The following KHDRBS1 variants were observed in gnomAD, a reference collection of about 807,000 sequenced individuals.
KHDRBS1 encodes the protein KH domain-containing, RNA-binding, signal transduction-associated protein 1.
In KHDRBS1, 7 loss-of-function variants were observed where a neutral mutation model predicts 48.4. The ratio of observed to expected loss-of-function variants is 0.14; its 90% CI spans 0.08 to 0.27. KHDRBS1 has a LOEUF of 0.27. KHDRBS1 is among the 10% of genes least tolerant of loss of function. KHDRBS1 has a pLI of 1.00. For synonymous variants in KHDRBS1, 241 were observed against 235.8 expected (o/e 1.02, Z -0.20); for missense variants, 458 against 601.2 (o/e 0.76, Z 2.49).
At chr1:32,049,700 C>T (rs1206926636) in intron 10 of KHDRBS1, among the ~76,000 whole-genome samples, 1 of 149,180 alleles carries the variant, frequency 6.7e-6, no homozygotes. Flanking sequence ...CTCACTCTGT[C>T]GCCCAGGCTG....
intron 1 of KHDRBS1, among the ~76,000 whole-genome samples, chr1:32,028,560 T>C (rs1019485279): frequency 6.9e-6 from 1 of 145,902 alleles, no homozygotes; most frequent in East Asian, 2.0e-4. Flanking sequence ...TGGAGTGCAG[T>C]GGCGCGATCT....
chr1:32,018,708 G>C (rs565864057), intron 1 of KHDRBS1, among the ~76,000 whole-genome samples: 1 of 152,048 alleles, frequency 6.6e-6, no homozygotes, highest in African/African-American at 2.4e-5. Flanking sequence ...AGTGAGCCGA[G>C]ATCGCGCCAC....
downstream of KHDRBS1, among the ~76,000 whole-genome samples, chr1:32,048,139 C>CTGCTT (rs1639377392): frequency 6.6e-6 from 1 of 152,208 alleles, no homozygotes; most frequent in African/African-American, 2.4e-5. Flanking sequence ...TAAACTGAAT[C>CTGCTT]TGCTTTGGAC....
At chr1:32,022,576 G>C (rs1456930524) in intron 1 of KHDRBS1, among the ~76,000 whole-genome samples, 4 of 152,026 alleles carry the variant, frequency 2.6e-5, no homozygotes, top group Non-Finnish European at 4.4e-5. Context: ...CCATTGTCTT[G>C]TTCCTTATGC....
At chr1:32,051,138 T>TC (rs1448651674) in intron 10 of KHDRBS1, among the ~76,000 whole-genome samples, 2 of 152,230 alleles carry the variant, frequency 1.3e-5, no homozygotes, top group African/African-American at 4.8e-5. Context: ...CCTCAGGTGA[T>TC]CCGCCCGCAT....
chr1:32,014,215 C>T lies in KHDRBS1; in HGVS notation c.220C>T (p.Pro74Ser), dbSNP rs992335624. The T allele has an allele frequency of 2.7e-5, 40 of 1,461,860 alleles. No homozygotes were observed. Among genetic ancestry groups the T allele is most frequent in the Non-Finnish European group, 3.5e-5 (38 of 1,098,766 alleles). 90.6% of individuals were successfully genotyped at this position (1,461,860 alleles called of 1,614,324 possible). A position where few individuals can be genotyped will look rare whatever the true frequency, so the allele number is the denominator to read the frequency against. ...PPLLPPSATG[P>S]DATVGGPAPT... ...GCTGCTGCCGCCCTCGGCCACGGGT[C>T]CCGACGCGACAGTGGGCGGGCCAGC... The change falls in exon 1 of 9, where the codon CCC (proline) becomes TCC (serine). Residue 74 changes from proline (P) to serine (S), a missense_variant. By Grantham distance (74) the Pro-to-Ser change is moderately conservative (BLOSUM62 -1). Coordinates refer to ENST00000327300, the MANE Select transcript of KHDRBS1 (RefSeq NM_006559.3).
chr1:32,042,212 G>T (rs575315719), intron 8 of KHDRBS1, among the ~76,000 whole-genome samples: 31 of 152,348 alleles, frequency 2.0e-4, no homozygotes, highest in Middle Eastern at 6.8e-3. Flanking sequence ...CAAGCAAGGT[G>T]TTGGGTATCT....
Position 32,043,229 on chromosome 1 carries a change from T to C in KHDRBS1, c.*605T>C, listed in dbSNP as rs1364084914. 8 of 152,468 alleles carry C rather than the reference T, an allele frequency of 5.2e-5. No individual in the cohort carries two copies. In the South Asian group the frequency reaches 1.7e-3, roughly 32 times the overall value. 9.4% of individuals were successfully genotyped at this position (152,468 alleles called of 1,614,324 possible). A position where few individuals can be genotyped will look rare whatever the true frequency, so the allele number is the denominator to read the frequency against. ...TGAATCTTAAGGTTAAATTTTAATA[T>C]GAAAGATCCTCATGAATTAAATAGT... On this transcript the variant is annotated 3_prime_UTR_variant, in exon 9 of 9. Coordinates refer to ENST00000327300, the MANE Select transcript of KHDRBS1 (RefSeq NM_006559.3).
At chr1:32,014,670 T>A (rs1169716910) in intron 1 of KHDRBS1, among the ~76,000 whole-genome samples, 3 of 152,216 alleles carry the variant, frequency 2.0e-5, no homozygotes, top group Admixed American at 2.0e-4. Context: ...TCCTCCCTCC[T>A]CTTGCGGCTG....
intron 1 of KHDRBS1, among the ~76,000 whole-genome samples, chr1:32,017,545 T>C (rs866127337): frequency 1.1e-4 from 17 of 151,620 alleles, no homozygotes; most frequent in Admixed American, 5.9e-4. Context: ...ATTGTGTTAA[T>C]ATATTTATAT....
chr1:32,025,960 G>T (rs1273433796), intron 1 of KHDRBS1, among the ~76,000 whole-genome samples: 1 of 145,898 alleles, frequency 6.9e-6, no homozygotes, highest in African/African-American at 2.7e-5. Flanking sequence ...TTTATTTTTG[G>T]TAGAGACAGG....
chr1:32,034,566 A>AAAAT (rs903587969), intron 4 of KHDRBS1, among the ~76,000 whole-genome samples: 1 of 152,130 alleles, frequency 6.6e-6, no homozygotes, highest in African/African-American at 2.4e-5. Context: ...ATCTCCAAAA[A>AAAAT]AAATAAATAA....
chr1:32,025,974 TC>T (rs1638962660), intron 1 of KHDRBS1, among the ~76,000 whole-genome samples: 3 of 150,322 alleles, frequency 2.0e-5, no homozygotes, highest in African/African-American at 7.5e-5. Flanking sequence ...AGACAGGGTC[TC>T]GCTGTGTTGC....
intron 10 of KHDRBS1, among the ~76,000 whole-genome samples, chr1:32,059,781 TTTTG>T (rs1197375178): frequency 6.6e-6 from 1 of 152,136 alleles, no homozygotes; most frequent in African/African-American, 2.4e-5. Context: ...CTTTAAAGAT[TTTTG>T]TTCATCTTTT....
At chr1:32,025,269 A>G (rs1265783623) in intron 1 of KHDRBS1, among the ~76,000 whole-genome samples, 2 of 150,896 alleles carry the variant, frequency 1.3e-5, no homozygotes, top group Admixed American at 6.6e-5. Flanking sequence ...TATCTCAAAA[A>G]AAAAAAAAAA....
chr1:32,050,882 T>C (rs1395731549), intron 10 of KHDRBS1, among the ~76,000 whole-genome samples: 1 of 151,640 alleles, frequency 6.6e-6, no homozygotes, highest in East Asian at 1.9e-4. Flanking sequence ...TGGCCTGGGG[T>C]GGGGGTTCAA....
chr1:32,031,225 C>G (rs569855379), intron 2 of KHDRBS1, among the ~76,000 whole-genome samples: 1 of 151,962 alleles, frequency 6.6e-6, no homozygotes, highest in Non-Finnish European at 1.5e-5. Flanking sequence ...TTGGCCTGGG[C>G]AACAGAGTGA....
chr1:32,027,447 G>T (rs575517497), intron 1 of KHDRBS1, among the ~76,000 whole-genome samples: 1 of 152,304 alleles, frequency 6.6e-6, no homozygotes, highest in African/African-American at 2.4e-5. Flanking sequence ...CCACCAAACA[G>T]TAAGGGTTAG....
chr1:32,059,130 C>A (rs1316207228), intron 10 of KHDRBS1, among the ~76,000 whole-genome samples: 1 of 142,504 alleles, frequency 7.0e-6, no homozygotes, highest in Non-Finnish European at 1.5e-5. Context: ...CCCTGCACTC[C>A]AGCCTGAGTG....
Sources: gnomAD v4.1 joint callset for allele counts (sites outside exome capture counted in the v4.1 genomes callset) on GRCh38, gnomAD v4.1.1 for gene constraint, MANE v1.5 for transcripts, NCBI Gene and HGNC (gene_info 2026-07-23, HGNC 2026-07-21) for gene names.